Variants in SNX29 observed in about 807,000 individuals in gnomAD.
SNX29 encodes sorting nexin-29.
Under a neutral mutation model 102.1 loss-of-function variants are expected in SNX29, and 78 were observed. That is an observed-to-expected ratio of 0.76 (90% CI 0.64 to 0.92). The LOEUF is 0.92. Among genes scored for constraint, SNX29 ranks in the 40% least tolerant of loss-of-function variants. The pLI is 0.00. For missense variants in SNX29, 1,280 were observed against 1,061.7 expected (o/e 1.21, Z -2.86); for synonymous variants, 580 against 414.5 (o/e 1.40, Z -4.85).
At chr16:12,545,823 G>T (rs576944099) in intron 20 of SNX29, among the ~76,000 whole-genome samples, 4 of 152,106 alleles carry the variant, frequency 2.6e-5, no homozygotes, top group African/African-American at 7.2e-5. Context: ...TGACTCTCCA[G>T]ACCTGTGGGG....
At chr16:12,391,221 C>T (rs1039887841) in intron 16 of SNX29, among the ~76,000 whole-genome samples, 2 of 152,136 alleles carry the variant, frequency 1.3e-5, no homozygotes, top group African/African-American at 2.4e-5. Context: ...ACTGGGATTA[C>T]AAGCATGAGC....
At chr16:12,343,175 G>C (rs939129479) in intron 15 of SNX29, among the ~76,000 whole-genome samples, 1 of 152,186 alleles carries the variant, frequency 6.6e-6, no homozygotes, top group African/African-American at 2.4e-5. Flanking sequence ...GATTTCTCAA[G>C]ACATGAGAAC....
chr16:12,010,940 ATC>A (rs1343243991), intron 3 of SNX29, among the ~76,000 whole-genome samples: 1 of 151,854 alleles, frequency 6.6e-6, no homozygotes, highest in African/African-American at 2.4e-5. Context: ...TCTTTTAAAT[ATC>A]TCTGAATGTT....
intron 14 of SNX29, among the ~76,000 whole-genome samples, chr16:12,219,226 T>A (rs953860350): frequency 6.6e-6 from 1 of 152,162 alleles, no homozygotes; most frequent in African/African-American, 2.4e-5. Flanking sequence ...CCACATGTTA[T>A]ATCGTCAGTT....
In SNX29 at chr16:12,348,533, G is replaced by T. The variant is rs978464283; in HGVS notation, c.1783-7630G>T. Among the ~76,000 whole-genome samples, 3 of 151,002 alleles carry T rather than the reference G, an allele frequency of 2.0e-5. No homozygotes were observed. In the South Asian group the frequency reaches 6.2e-4, roughly 31 times the overall value. ...GTGGCGTTGACAGCGCCTTTCCCCG[G>T]CTCTGTGTGTGTGTACATGTGTGTG... On this transcript the variant is annotated intron_variant, in intron 15 of 20. Coordinates refer to ENST00000566228, the MANE Select transcript of SNX29 (RefSeq NM_032167.5).
intron 20 of SNX29, among the ~76,000 whole-genome samples, chr16:12,540,340 A>G (rs2213293): frequency 0.12 from 18,678 of 152,128 alleles, 1,388 homozygotes; most frequent in Non-Finnish European, 0.16. Flanking sequence ...ATGATTAAAG[A>G]GGAACGTTAT....
chr16:12,044,827 C>T (rs554674439), intron 5 of SNX29, among the ~76,000 whole-genome samples: 20 of 152,242 alleles, frequency 1.3e-4, no homozygotes, highest in Admixed American at 4.6e-4. Context: ...GTGATCCTCC[C>T]GCCTCGGCCT....
intron 15 of SNX29, among the ~76,000 whole-genome samples, chr16:12,282,107 AATG>A: frequency 6.7e-6 from 1 of 149,922 alleles, no homozygotes; most frequent in Non-Finnish European, 1.5e-5. Flanking sequence ...AAAAAAAAAA[AATG>A]CAGAGCTGGA....
chr16:12,333,782 G>A (rs1195477346), intron 15 of SNX29, among the ~76,000 whole-genome samples: 1 of 152,106 alleles, frequency 6.6e-6, no homozygotes, highest in African/African-American at 2.4e-5. Context: ...CTGGGGACTG[G>A]GCAGGAAGGA....
At chr16:12,467,711 A>G (rs2087125823) in intron 18 of SNX29, among the ~76,000 whole-genome samples, 1 of 151,892 alleles carries the variant, frequency 6.6e-6, no homozygotes, top group South Asian at 2.1e-4. Context: ...TCCTGGGAAT[A>G]TATACTGAGT....
At chr16:12,304,656 G>A (rs1376568042) in intron 15 of SNX29, among the ~76,000 whole-genome samples, 1 of 152,186 alleles carries the variant, frequency 6.6e-6, no homozygotes, top group Non-Finnish European at 1.5e-5. Context: ...GCCTCCCAAA[G>A]TGTTGGGATT....
At chr16:12,380,516 CT>C (rs2083047802) in intron 16 of SNX29, among the ~76,000 whole-genome samples, 1 of 112,268 alleles carries the variant, frequency 8.9e-6, no homozygotes, top group Non-Finnish European at 1.9e-5. Flanking sequence ...CTACCCACCC[CT>C]CATCCATCCA....
intron 13 of SNX29, among the ~76,000 whole-genome samples, chr16:12,176,876 A>AT (rs2076272353): frequency 6.6e-6 from 1 of 152,130 alleles, no homozygotes; most frequent in Admixed American, 6.5e-5. Flanking sequence ...ACTAGGGTTT[A>AT]TGACTGAGGC....
chr16:12,210,804 A>C (rs1555488430), intron 14 of SNX29, among the ~76,000 whole-genome samples: 1 of 144,716 alleles, frequency 6.9e-6, no homozygotes, highest in Non-Finnish European at 1.5e-5. Flanking sequence ...CTCTTGTTTC[A>C]CTCTGCTCCG....
chr16:12,143,898 A>G (rs997967955), intron 13 of SNX29, among the ~76,000 whole-genome samples: 9 of 152,182 alleles, frequency 5.9e-5, no homozygotes, highest in African/African-American at 2.2e-4. Context: ...AGACCAATTA[A>G]ATCAGAATCT....
chr16:12,165,077 C>T (rs925602444), intron 13 of SNX29, among the ~76,000 whole-genome samples: 13 of 152,184 alleles, frequency 8.5e-5, no homozygotes, highest in Non-Finnish European at 1.3e-4. Context: ...TTGTCGTGTT[C>T]GGCCTTTTGA....
chr16:12,470,502 C>A (rs1288270528), intron 18 of SNX29, among the ~76,000 whole-genome samples: 1 of 152,174 alleles, frequency 6.6e-6, no homozygotes, highest in Non-Finnish European at 1.5e-5. Context: ...CCCAGGCCGG[C>A]CTGCAGCCAG....
At chr16:12,385,839 C>T (rs1452016529) in intron 16 of SNX29, among the ~76,000 whole-genome samples, 5 of 152,262 alleles carry the variant, frequency 3.3e-5, no homozygotes, top group South Asian at 2.1e-4. Flanking sequence ...TGTTGGAAAA[C>T]GGGGCGGCAA....
At position 12,567,064 on chromosome 16, in the gene SNX29, G is replaced by A. The variant is rs539680856; in HGVS notation, c.2319-1442G>A. On this transcript the variant is annotated intron_variant, in intron 20 of 20. Coordinates refer to ENST00000566228, the MANE Select transcript of SNX29 (RefSeq NM_032167.5). ...TACATGAAGATGCTAGGCTGTTTCA[G>A]GGAACCCTGCAGGGATCCTCGAGGG... is the stretch of plus-strand genomic sequence containing the variant. Among the ~76,000 whole-genome samples the A allele has an allele frequency of 1.2e-4, 18 of 152,358 alleles. No homozygotes were observed. The South Asian group carries it at 2.7e-3, about 23-fold the overall frequency.
Sources: gnomAD v4.1 joint callset for allele counts (sites outside exome capture counted in the v4.1 genomes callset) on GRCh38, gnomAD v4.1.1 for gene constraint, MANE v1.5 for transcripts, NCBI Gene and HGNC (gene_info 2026-07-23, HGNC 2026-07-21) for gene names.